The following CELF4 variants were observed in gnomAD, a reference collection of about 807,000 sequenced individuals.
CELF4 encodes CUGBP Elav-like family member 4, also known as CUG-BP- and ETR-3-like factor 4.
Under a neutral mutation model 59.9 loss-of-function variants are expected in CELF4, and 18 were observed. The observed-to-expected ratio is 0.30, with a 90% CI of 0.21 to 0.45. The LOEUF (loss-of-function observed/expected upper bound fraction) is 0.45. CELF4 is among the 20% of genes least tolerant of loss of function. The probability of loss-of-function intolerance (pLI) is 1.00; values close to 1 mark genes in which losing one functional copy is unlikely to be tolerated. For missense variants in CELF4, 456 were observed against 689.0 expected, an observed-to-expected ratio of 0.66 and a Z score of 3.79; for synonymous variants, 261 against 267.1, an observed-to-expected ratio of 0.98 and a Z score of 0.22.
chr18:37,254,686 C>G lies in CELF4; in HGVS notation c.1334-748G>C, dbSNP rs1428602991. 1.3e-5 allele frequency among the ~76,000 whole-genome samples: 2 copies of G among 152,262 alleles called. No individual in the cohort carries two copies. Among genetic ancestry groups the G allele is most frequent in the East Asian group, 3.9e-4 (2 of 5,194 alleles). On this transcript the variant is annotated intron_variant, in intron 11 of 12. Transcript: ENST00000420428. This position sits in a 1 kb window ranked among gnomAD's most constrained non-coding sequence, Gnocchi z 5.1. ...ATAACAAGTCACAAGACCATCAGTGCAAATCAGGCCACAGCCCTCCGTGCA... is the reference window on the plus strand; with the variant it reads ...ATAACAAGTCACAAGACCATCAGTGGAAATCAGGCCACAGCCCTCCGTGCA...
intron 1 of CELF4, among the ~76,000 whole-genome samples, chr18:37,486,815 G>A (rs981861111): frequency 2.0e-5 from 3 of 152,164 alleles, no homozygotes; most frequent in South Asian, 2.1e-4. Flanking sequence ...TTCTGCCCCC[G>A]CATTCCTCTG....
intron 10 of CELF4, 52 bp downstream of exon 10, chr18:37,264,622 T>C (rs929039254): frequency 1.3e-6 from 2 of 1,482,006 alleles, no homozygotes; most frequent in Admixed American, 3.9e-5. Context: ...GAGCAGCCTC[T>C]TTGGGGACAA....
chr18:37,314,773 T>G (rs1178413906), intron 3 of CELF4, among the ~76,000 whole-genome samples: 1 of 152,140 alleles, frequency 6.6e-6, no homozygotes, highest in African/African-American at 2.4e-5. Flanking sequence ...CAGCCCTGCC[T>G]GCCTTCACCT....
chr18:37,407,362 C>A (rs1208055201), intron 2 of CELF4, among the ~76,000 whole-genome samples: 5 of 152,154 alleles, frequency 3.3e-5, no homozygotes, highest in Non-Finnish European at 7.3e-5. Context: ...GCAGACATGG[C>A]ACCTGCCTGG....
intron 2 of CELF4, among the ~76,000 whole-genome samples, chr18:37,359,703 C>A (rs997446928): frequency 6.6e-6 from 1 of 152,226 alleles, no homozygotes; most frequent in Non-Finnish European, 1.5e-5. Context: ...CACGTGCCAA[C>A]ATGCCCAGCT....
chr18:37,506,111 G>C (rs2154604083), intron 1 of CELF4, among the ~76,000 whole-genome samples: 1 of 135,536 alleles, frequency 7.4e-6, no homozygotes, highest in East Asian at 2.1e-4. Context: ...GGCATTCTCT[G>C]TTCCTTCTCT....
chr18:37,446,847 C>T (rs1316178610), intron 2 of CELF4, among the ~76,000 whole-genome samples: 1 of 152,170 alleles, frequency 6.6e-6, no homozygotes, highest in Non-Finnish European at 1.5e-5. Flanking sequence ...GTCAGTACCA[C>T]ATTACTGGTC....
chr18:37,358,318 C>T (rs1464720701), intron 2 of CELF4, among the ~76,000 whole-genome samples: 2 of 152,210 alleles, frequency 1.3e-5, no homozygotes, highest in East Asian at 3.9e-4. Context: ...CTGCACAGCT[C>T]TCTCTTTGCC....
intron 1 of CELF4, among the ~76,000 whole-genome samples, chr18:37,557,080 C>T (rs768638807): frequency 6.6e-6 from 1 of 152,196 alleles, no homozygotes; most frequent in Non-Finnish European, 1.5e-5. Flanking sequence ...GCTTCAGCTG[C>T]AAGCATTTCT....
chr18:37,378,304 G>A (rs962746976), intron 2 of CELF4, among the ~76,000 whole-genome samples: 2 of 152,124 alleles, frequency 1.3e-5, no homozygotes, highest in African/African-American at 2.4e-5. Context: ...GGTATGGCCC[G>A]ACAGTGGCTC....
At chr18:37,321,923 G>T (rs772855201) in intron 2 of CELF4, 42 bp from the exon 3 acceptor site, 1 of 1,540,842 alleles carries the variant, frequency 6.5e-7, no homozygotes, top group Non-Finnish European at 8.9e-7. Flanking sequence ...GCAGGCCTGC[G>T]GGTGAGGGGA....
chr18:37,531,241 G>C (rs1044601352), intron 1 of CELF4, among the ~76,000 whole-genome samples: 1 of 152,092 alleles, frequency 6.6e-6, no homozygotes, highest in Non-Finnish European at 1.5e-5. Flanking sequence ...AGCCTCAGCT[G>C]GGGCCCCCCT....
At chr18:37,265,098 C>T (rs1448906699) in intron 9 of CELF4, among the ~76,000 whole-genome samples, 1 of 149,688 alleles carries the variant, frequency 6.7e-6, no homozygotes, top group Non-Finnish European at 1.5e-5. Context: ...TACATGCATA[C>T]ATGCAAGTGT....
At chr18:37,443,724 C>G (rs927123154) in intron 2 of CELF4, among the ~76,000 whole-genome samples, 4 of 152,256 alleles carry the variant, frequency 2.6e-5, no homozygotes, top group Non-Finnish European at 5.9e-5. Context: ...CCCTCTCCCT[C>G]TCTGTGTCGG....
At chr18:37,370,615 C>T (rs566990667) in intron 2 of CELF4, among the ~76,000 whole-genome samples, 110 of 152,292 alleles carry the variant, frequency 7.2e-4, no homozygotes, top group Non-Finnish European at 1.4e-3. Flanking sequence ...AAGTAGCATG[C>T]TTTTAATGTT....
chr18:37,398,306 C>G (rs548641875), intron 2 of CELF4, among the ~76,000 whole-genome samples: 330 of 152,228 alleles, frequency 2.2e-3, no homozygotes, highest in Non-Finnish European at 3.6e-3. Flanking sequence ...GCCAGGATGA[C>G]AGTGAAAGTC....
At chr18:37,376,104 G>C (rs1246068080) in intron 2 of CELF4, among the ~76,000 whole-genome samples, 2 of 152,130 alleles carry the variant, frequency 1.3e-5, no homozygotes, top group African/African-American at 4.8e-5. Flanking sequence ...TCTTAATGAG[G>C]AGGGCACTGG....
Position 37,398,676 on chromosome 18 carries a change from C to T in CELF4, c.370-76795G>A, listed in dbSNP as rs1402637332. ...TGAAAGGGCCAGGGACACGTACCAGCCACTGACACTGCTTGAGGCCTCTGG... is the reference window on the plus strand; with the variant it reads ...TGAAAGGGCCAGGGACACGTACCAGTCACTGACACTGCTTGAGGCCTCTGG... On this transcript the variant is annotated intron_variant, in intron 2 of 12. Transcript: ENST00000420428. Among the ~76,000 whole-genome samples, 7 of 152,176 alleles carry T rather than the reference C, an allele frequency of 4.6e-5. No individual in the cohort carries two copies. In the East Asian group the frequency reaches 1.4e-3, roughly 29 times the overall value.
intron 1 of CELF4, among the ~76,000 whole-genome samples, chr18:37,535,834 G>A (rs967226155): frequency 1.3e-5 from 2 of 152,150 alleles, no homozygotes; most frequent in African/African-American, 2.4e-5. Context: ...GAGAGAACAC[G>A]ATTCACTTCC....
Sources: allele counts gnomAD v4.1 joint callset (sites outside exome capture counted in the v4.1 genomes callset), GRCh38; gene constraint gnomAD v4.1.1; non-coding constraint Gnocchi (gnomAD v3.1); transcripts MANE v1.5; gene names NCBI Gene and HGNC (gene_info 2026-07-23, HGNC 2026-07-21).